Variants in MAST2 observed in about 807,000 individuals in gnomAD.
The protein encoded by MAST2 is microtubule-associated serine/threonine-protein kinase 2.
MAST2 carries 70 observed loss-of-function variants against 147.4 expected under a neutral mutation model. That is an observed-to-expected ratio of 0.47 (90% CI 0.39 to 0.58). The LOEUF (loss-of-function observed/expected upper bound fraction) is 0.58, where lower values mean the gene tolerates loss of function less well. Ranked by LOEUF, MAST2 falls within the 20% of genes least tolerant of loss-of-function variation. MAST2 has a pLI of 0.00. For synonymous variants in MAST2, 869 were observed against 896.8 expected, an observed-to-expected ratio of 0.97 and a Z score of 0.55; for missense variants, 2,080 against 2,302.3, an observed-to-expected ratio of 0.90 and a Z score of 1.98.
At chr1:45,901,118 G>A (rs1649691758) in intron 4 of MAST2, among the ~76,000 whole-genome samples, 1 of 152,046 alleles carries the variant, frequency 6.6e-6, no homozygotes. Context: ...TTCTTTTAGG[G>A]TTTTTATAGT....
intron 4 of MAST2, among the ~76,000 whole-genome samples, chr1:45,900,173 C>CAAAAAAAAAAAAAAAAAAA (rs59051138): frequency 9.2e-5 from 5 of 54,096 alleles, no homozygotes; most frequent in African/African-American, 4.4e-4. Context: ...CTCTCTCTCT[C>CAAAAAAAAAAAAAAAAAAA]AAAAAAAAAA....
At chr1:45,880,793 C>CA (rs1264384512) in intron 3 of MAST2, among the ~76,000 whole-genome samples, 2 of 151,576 alleles carry the variant, frequency 1.3e-5, no homozygotes, top group Non-Finnish European at 2.9e-5. Context: ...CCAGCCTGGC[C>CA]AACATGGTGA....
chr1:45,899,783 T>G lies in MAST2; in HGVS notation c.500+17388T>G, dbSNP rs372470316. 1.5e-4 allele frequency among the ~76,000 whole-genome samples: 23 copies of G among 152,226 alleles called. No individual in the cohort carries two copies. The South Asian group carries it at 4.6e-3, about 30-fold the overall frequency. On this transcript the variant is annotated intron_variant, in intron 4 of 28. Transcript: ENST00000361297. Reference sequence around the variant, plus strand: ...CGATAAATGTACCAGTGTAGGTGTCTTTTTGATAAAATAATTTTCTTATGC... The same window carrying G: ...CGATAAATGTACCAGTGTAGGTGTCGTTTTGATAAAATAATTTTCTTATGC...
chr1:45,938,909 T>G (rs1024981327), intron 4 of MAST2, among the ~76,000 whole-genome samples: 1 of 152,172 alleles, frequency 6.6e-6, no homozygotes, highest in Non-Finnish European at 1.5e-5. Flanking sequence ...GTTCGTTTTT[T>G]TTTTAAATAT....
chr1:45,862,273 G>A (rs1303047865), intron 3 of MAST2, among the ~76,000 whole-genome samples: 1 of 152,134 alleles, frequency 6.6e-6, no homozygotes, highest in Admixed American at 6.6e-5. Context: ...AACCTTATAA[G>A]GTAGATGGTT....
At chr1:46,022,853 A>G in intron 12 of MAST2, 57 bp from the exon 13 acceptor site, 2 of 1,265,078 alleles carry the variant, frequency 1.6e-6, no homozygotes, top group South Asian at 1.2e-5. Context: ...ATCTGAGGAT[A>G]CTGCTGAGAT....
At chr1:45,819,508 G>C (rs1644556311) in intron 1 of MAST2, among the ~76,000 whole-genome samples, 2 of 152,158 alleles carry the variant, frequency 1.3e-5, no homozygotes, top group South Asian at 4.1e-4. Flanking sequence ...ATTTAGTAAA[G>C]TTGCAGGATC....
chr1:45,997,010 G>A (rs567694887), intron 5 of MAST2, among the ~76,000 whole-genome samples: 3 of 152,260 alleles, frequency 2.0e-5, no homozygotes, highest in East Asian at 1.9e-4. Flanking sequence ...GGGCTCCTAC[G>A]TACCAGTCCC....
At chr1:45,868,525 AC>A (rs199731961) in intron 3 of MAST2, among the ~76,000 whole-genome samples, 24 of 145,954 alleles carry the variant, frequency 1.6e-4, no homozygotes, top group Admixed American at 5.6e-4. Context: ...ATTTTTATGC[AC>A]CCCCCCCAAC....
intron 4 of MAST2, among the ~76,000 whole-genome samples, chr1:45,889,479 A>C (rs1647334085): frequency 6.6e-6 from 1 of 152,052 alleles, no homozygotes; most frequent in Non-Finnish European, 1.5e-5. Flanking sequence ...GAGCCTCTGC[A>C]CCTGGCCTTT....
At chr1:45,805,571 G>C (rs1644117972) in intron 1 of MAST2, among the ~76,000 whole-genome samples, 1 of 152,136 alleles carries the variant, frequency 6.6e-6, no homozygotes, top group Non-Finnish European at 1.5e-5. Flanking sequence ...TCAAGTCCAG[G>C]TCCTTTCCTG....
chr1:45,880,409 G>C (rs1385565243), intron 3 of MAST2, among the ~76,000 whole-genome samples: 1 of 152,138 alleles, frequency 6.6e-6, no homozygotes, highest in Non-Finnish European at 1.5e-5. Context: ...ATAGTGGTTT[G>C]TTTGGGGATT....
rs182211470 is a variant in MAST2, at chr1:46,033,916, C to G, written c.3652C>G (p.Arg1218Gly). 1 of 1,614,082 alleles carries G rather than the reference C, an allele frequency of 6.2e-7. No homozygotes were observed. The highest frequency in any genetic ancestry group is 2.2e-5 in the East Asian group (1 of 44,868). ...GATGGCCCGAAGGAGCAAGAGGAGC[C>G]GCGGCAAGGATGGGCAAGAAAGGTG... The part of the protein sequence containing the change: ...AKMARRSKRS[R>G]GKDGQESRKR... The change falls in exon 27 of 29, where the codon CGC becomes GGC. Residue 1218 changes from arginine to glycine, a missense_variant. By Grantham distance (125) the Arg-to-Gly change is moderately radical. This residue lies in a region of MAST2 where 1,278 missense variants were observed against 1,304.2 expected (regional missense o/e 0.98). Coordinates refer to ENST00000361297, the MANE Select transcript of MAST2 (RefSeq NM_015112.3).
chr1:45,882,711 A>G (rs746959504), intron 4 of MAST2, among the ~76,000 whole-genome samples: 11 of 152,256 alleles, frequency 7.2e-5, no homozygotes, highest in Non-Finnish European at 1.3e-4. Context: ...CGTAGACTCA[A>G]GCTAAGGAAG....
At position 46,035,948 on chromosome 1, in the gene MAST2, G is replaced by C; in HGVS notation, c.5279G>C (p.Arg1760Pro). ...SGDRRQDVPC[R>P]GCPLTQKSEP... ...GACAGAAGGCAGGACGTTCCATGCC[G>C]AGGCTGCCCCCTCACCCAGAAGTCT... The change falls in exon 29 of 29, where the codon CGA becomes CCA. Residue 1760 changes from arginine to proline, a missense_variant. Physicochemically the swap from Arg to Pro is moderately radical, Grantham distance 103. Transcript: ENST00000361297. The surrounding 1 kb of genome is among the most constrained non-coding windows in gnomAD (Gnocchi z 5.5). 6.2e-7 allele frequency: 1 copy of C among 1,614,002 alleles called. No individual in the cohort carries two copies. Among genetic ancestry groups the C allele is most frequent in the Non-Finnish European group, 8.5e-7 (1 of 1,180,036 alleles).
intron 1 of MAST2, among the ~76,000 whole-genome samples, chr1:45,821,387 C>T (rs1644622912): frequency 6.6e-6 from 1 of 152,038 alleles, no homozygotes. Flanking sequence ...TTGGCTTTGA[C>T]AGTTTGGTTA....
intron 4 of MAST2, among the ~76,000 whole-genome samples, chr1:45,905,200 A>C (rs1650482242): frequency 7.2e-6 from 1 of 138,882 alleles, no homozygotes; most frequent in South Asian, 2.3e-4. Flanking sequence ...TTTTTGAGGC[A>C]GAGTCTTGCT....
At chr1:45,979,355 C>T (rs1288102115) in intron 5 of MAST2, among the ~76,000 whole-genome samples, 1 of 151,984 alleles carries the variant, frequency 6.6e-6, no homozygotes, top group Non-Finnish European at 1.5e-5. Context: ...ACTGTCTCCT[C>T]CAGCTGCTAA....
At chr1:45,829,035 C>T (rs1325282204) in intron 2 of MAST2, among the ~76,000 whole-genome samples, 1 of 152,054 alleles carries the variant, frequency 6.6e-6, no homozygotes. Context: ...GAACTGAGCA[C>T]ATGGAGTCTA....
Sources: allele counts gnomAD v4.1 joint callset (sites outside exome capture counted in the v4.1 genomes callset), GRCh38; gene constraint gnomAD v4.1.1; regional missense constraint gnomAD v4.1.1; non-coding constraint Gnocchi (gnomAD v3.1); transcripts MANE v1.5; gene names NCBI Gene and HGNC (gene_info 2026-07-23, HGNC 2026-07-21).